PTPN1: variants seen among roughly 807,000 people sequenced by gnomAD.
PTPN1 encodes the protein protein tyrosine phosphatase non-receptor type 1, also known as tyrosine-protein phosphatase non-receptor type 1.
Under a neutral mutation model 59.9 loss-of-function variants are expected in PTPN1, and 12 were observed. The observed-to-expected ratio is 0.20, with a 90% confidence interval of 0.13 to 0.32. The LOEUF (loss-of-function observed/expected upper bound fraction) is 0.32, where lower values mean the gene tolerates loss of function less well. Among genes scored for constraint, PTPN1 ranks in the 10% least tolerant of loss-of-function variants. The probability of loss-of-function intolerance (pLI) is 1.00; values close to 1 mark genes in which losing one functional copy is unlikely to be tolerated. For missense variants in PTPN1, 356 were observed against 549.2 expected (o/e 0.65, Z 3.52); for synonymous variants, 178 against 203.6 (o/e 0.87, Z 1.07).
At chr20:50,539,274 G>C (rs1047246979) in intron 1 of PTPN1, among the ~76,000 whole-genome samples, 1 of 152,082 alleles carries the variant, frequency 6.6e-6, no homozygotes, top group African/African-American at 2.4e-5. Flanking sequence ...GACCTCAGGT[G>C]ATCCACCTGC....
chr20:50,549,597 C>G (rs776519446), intron 1 of PTPN1, among the ~76,000 whole-genome samples: 1 of 152,190 alleles, frequency 6.6e-6, no homozygotes, highest in African/African-American at 2.4e-5. Context: ...CCTTCCTCCC[C>G]TCAACCCCTG....
At position 50,575,661 on chromosome 20, in the gene PTPN1, C is replaced by T. The variant is rs561088480; in HGVS notation, c.492+1007C>T. On this transcript the variant is annotated intron_variant, in intron 5 of 9. Transcript: ENST00000371621. ...GATGTAAGCCAGGTGCGGTGGCTCA[C>T]GTCTTTAATCCCAGCACTTGGGGAG... Among the ~76,000 whole-genome samples the T allele has an allele frequency of 3.9e-5, 6 of 152,312 alleles. No individual in the cohort carries two copies. The South Asian group carries it at 6.2e-4, about 16-fold the overall frequency.
At chr20:50,521,597 TAGG>T (rs754669270) in intron 1 of PTPN1, among the ~76,000 whole-genome samples, 2 of 152,212 alleles carry the variant, frequency 1.3e-5, no homozygotes, top group Non-Finnish European at 2.9e-5. Context: ...TATTAGGACA[TAGG>T]AGGAGAGAGT....
At chr20:50,580,954 C>T (rs1259193690) in intron 8 of PTPN1, among the ~76,000 whole-genome samples, 1 of 152,170 alleles carries the variant, frequency 6.6e-6, no homozygotes, top group Non-Finnish European at 1.5e-5. Context: ...GTAGTGTGTA[C>T]ACCAGTGAGT....
chr20:50,528,919 T>A (rs1354829303), intron 1 of PTPN1, among the ~76,000 whole-genome samples: 1 of 152,158 alleles, frequency 6.6e-6, no homozygotes. Context: ...CACTTTGTTT[T>A]CTCTGTTCCT....
At chr20:50,523,332 A>C (rs929426042) in intron 1 of PTPN1, among the ~76,000 whole-genome samples, 1 of 152,106 alleles carries the variant, frequency 6.6e-6, no homozygotes, top group Non-Finnish European at 1.5e-5. Context: ...TAAATATAGA[A>C]CATTCGGAGA....
chr20:50,529,461 A>T (rs2082591223), intron 1 of PTPN1, among the ~76,000 whole-genome samples: 1 of 152,196 alleles, frequency 6.6e-6, no homozygotes, highest in Admixed American at 6.5e-5. Context: ...CCAAAGTTAG[A>T]TCATTTTTCC....
At chr20:50,578,276 G>A in intron 5 of PTPN1, 144 bp from the exon 6 acceptor site, 1 of 765,458 alleles carries the variant, frequency 1.3e-6, no homozygotes, top group Non-Finnish European at 2.2e-6. Context: ...TTGTTGACTG[G>A]GTGTGTGGAC....
chr20:50,568,273 AGCTGTGGGGACTGAGGGC>A lies in PTPN1; in HGVS notation c.256-101_256-84del. On this transcript the variant is annotated intron_variant, in intron 3 of 9. Coordinates refer to ENST00000371621, the MANE Select transcript of PTPN1 (RefSeq NM_002827.4). This position sits in a 1 kb window ranked among gnomAD's most constrained non-coding sequence, Gnocchi z 5.6. Reference sequence around the variant, plus strand: ...CCAGCCTCAGCCACCACTCTGCCTAAGCTGTGGGGACTGAGGGCGCTGTCGTTAGCTGACTGCAGAAGG... The same window carrying A: ...CCAGCCTCAGCCACCACTCTGCCTAAGCTGTCGTTAGCTGACTGCAGAAGG... 1 of 923,484 alleles carries A rather than the reference AGCTGTGGGGACTGAGGGC, an allele frequency of 1.1e-6. No individual in the cohort carries two copies. Among genetic ancestry groups the A allele is most frequent in the Non-Finnish European group, 1.8e-6 (1 of 570,140 alleles). 57.2% of individuals were successfully genotyped at this position (923,484 alleles called of 1,614,324 possible).
In PTPN1 at chr20:50,519,204, AGGTTCT is replaced by A. The variant is rs1006947708; in HGVS notation, c.63+8616_63+8621del. On this transcript the variant is annotated intron_variant, in intron 1 of 9. Coordinates refer to ENST00000371621, the MANE Select transcript of PTPN1 (RefSeq NM_002827.4). Reference sequence around the variant, plus strand: ...TTGGAGTGTGCACAGTGGTATTGGTAGGTTCTGTACTCATCCTTAACCACTTGTTTT... The same window carrying A: ...TTGGAGTGTGCACAGTGGTATTGGTAGTACTCATCCTTAACCACTTGTTTT... Among the ~76,000 whole-genome samples the A allele has an allele frequency of 2.6e-5, 4 of 152,332 alleles. No homozygotes were observed. In the East Asian group the frequency reaches 7.7e-4, roughly 29 times the overall value.
chr20:50,563,263 T>A (rs112383539), intron 2 of PTPN1, among the ~76,000 whole-genome samples: 93 of 152,304 alleles, frequency 6.1e-4, no homozygotes, highest in African/African-American at 2.2e-3. Context: ...AGTCATTTGC[T>A]GTGAAGGTTA....
intron 1 of PTPN1, among the ~76,000 whole-genome samples, chr20:50,534,986 G>A (rs1311591092): frequency 2.0e-5 from 3 of 152,166 alleles, no homozygotes; most frequent in Non-Finnish European, 2.9e-5. Flanking sequence ...GCCTTCAGGC[G>A]GTCCTCCTGC....
chr20:50,557,721 G>T (rs1056629359), intron 1 of PTPN1: 2 of 152,122 alleles, frequency 1.3e-5, no homozygotes, highest in African/African-American at 4.8e-5. Context: ...CTAGAGTTCA[G>T]TGGCTCTTCG....
chr20:50,535,492 A>C lies in PTPN1; in HGVS notation c.63+24902A>C, dbSNP rs187911260. 2.6e-5 allele frequency among the ~76,000 whole-genome samples: 4 copies of C among 152,194 alleles called. No individual in the cohort carries two copies. In the East Asian group the frequency reaches 5.8e-4, roughly 22 times the overall value. On this transcript the variant is annotated intron_variant, in intron 1 of 9. Transcript: ENST00000371621. ...TAGTATGGGAAATATTTTATTATGA[A>C]TACTCTTTTCTCTGTTGCCTCCGTG...
Position 50,574,609 on chromosome 20 carries a change from C to A in PTPN1, c.447C>A (p.Ile149=). ...NLKLTLISED[I]KSYYTVRQLE... ...AATTAACATTGATCTCTGAAGATAT[C>A]AAGTCATATTATACAGTGCGACAGC... is the stretch of plus-strand genomic sequence containing the variant. The change falls in exon 5 of 10, where the codon ATC becomes ATA. Residue 149 remains isoleucine, a synonymous_variant. Coordinates refer to ENST00000371621, the MANE Select transcript of PTPN1 (RefSeq NM_002827.4). The A allele has an allele frequency of 6.2e-7, 1 of 1,607,956 alleles. No individual in the cohort carries two copies. Among genetic ancestry groups the A allele is most frequent in the Non-Finnish European group, 8.5e-7 (1 of 1,178,016 alleles).
chr20:50,526,137 T>C (rs1485776528), intron 1 of PTPN1, among the ~76,000 whole-genome samples: 3 of 152,212 alleles, frequency 2.0e-5, no homozygotes, highest in Non-Finnish European at 2.9e-5. Flanking sequence ...TATGTATTTG[T>C]ATGCATGTAT....
At chr20:50,579,034 C>T in intron 6 of PTPN1, 134 bp from the exon 7 acceptor site, 1 of 1,061,054 alleles carries the variant, frequency 9.4e-7, no homozygotes, top group Non-Finnish European at 1.4e-6. Context: ...AGACACCTCC[C>T]ACCCAGCCCC....
At chr20:50,578,940 C>T (rs7266728) in intron 6 of PTPN1, among the ~76,000 whole-genome samples, 4,317 of 152,152 alleles carry the variant, frequency 0.028, 188 homozygotes, top group African/African-American at 0.099. Flanking sequence ...GGGGGAGGTC[C>T]CAGACTCTTA....
rs571913207 is a variant in PTPN1 at position 50,582,888 on chromosome 20, C to T, written c.*173C>T. On this transcript the variant is annotated 3_prime_UTR_variant, in exon 10 of 10. Transcript: ENST00000371621. The surrounding 1 kb of genome is among the most constrained non-coding windows in gnomAD (Gnocchi z 4.2). ...CCATCTTCCCCGGATGTGTGTCTCA[C>T]CCCTCATCCTTTTACTTTTTGCCCC... 5.7e-6 allele frequency: 4 copies of T among 698,454 alleles called. No homozygotes were observed. The Admixed American group carries it at 1.0e-4, about 18-fold the overall frequency. The allele number at this position is 698,454 out of a possible 1,614,324, so 43.3% of individuals were successfully genotyped here.
Sources: allele counts gnomAD v4.1 joint callset (sites outside exome capture counted in the v4.1 genomes callset), GRCh38; gene constraint gnomAD v4.1.1; non-coding constraint Gnocchi (gnomAD v3.1); transcripts MANE v1.5; gene names NCBI Gene and HGNC (gene_info 2026-07-23, HGNC 2026-07-21).